The following LRRC4C variants were observed in gnomAD, a reference collection of about 807,000 sequenced individuals.
LRRC4C encodes the protein leucine-rich repeat-containing protein 4C.
LRRC4C carries 5 observed loss-of-function variants against 33.6 expected under a neutral mutation model. That is an observed-to-expected ratio of 0.15 (90% CI 0.08 to 0.31). The LOEUF (loss-of-function observed/expected upper bound fraction) is 0.31. Among genes scored for constraint, LRRC4C ranks in the 10% least tolerant of loss-of-function variants. The probability of loss-of-function intolerance (pLI) is 1.00; values close to 1 mark genes in which losing one functional copy is unlikely to be tolerated. For missense variants in LRRC4C, 560 were observed against 796.7 expected (o/e 0.70, Z 3.58); for synonymous variants, 329 against 302.0 (o/e 1.09, Z -0.93).
At chr11:40,583,958 C>A (rs1958589174) in intron 3 of LRRC4C, among the ~76,000 whole-genome samples, 3 of 151,526 alleles carry the variant, frequency 2.0e-5, no homozygotes, top group Admixed American at 2.0e-4. Context: ...TAGTAGACAT[C>A]TAGTTAAAGT....
At chr11:40,440,865 A>AT (rs1157671461) in intron 3 of LRRC4C, among the ~76,000 whole-genome samples, 146 of 14,904 alleles carry the variant, frequency 9.8e-3, no homozygotes, top group Middle Eastern at 0.088. Context: ...GCCAGTAGGG[A>AT]ATTTTTTTTT....
At chr11:40,971,635 C>G (rs369004584) in intron 1 of LRRC4C, among the ~76,000 whole-genome samples, 1 of 152,162 alleles carries the variant, frequency 6.6e-6, no homozygotes, top group African/African-American at 2.4e-5. Flanking sequence ...CTGCCTAGTG[C>G]ATCTGTGAGA....
At chr11:41,317,223 G>C (rs1950822048) in intron 1 of LRRC4C, among the ~76,000 whole-genome samples, 1 of 150,980 alleles carries the variant, frequency 6.6e-6, no homozygotes, top group Non-Finnish European at 1.5e-5. Context: ...CTTAGGACAA[G>C]TCATTTAACC....
chr11:41,177,183 T>C (rs1317137719), intron 1 of LRRC4C, among the ~76,000 whole-genome samples: 1 of 152,084 alleles, frequency 6.6e-6, no homozygotes, highest in African/African-American at 2.4e-5. Flanking sequence ...ATTTGACTTA[T>C]AACAGAGGAT....
chr11:40,866,365 CA>C (rs1954370666), intron 2 of LRRC4C, among the ~76,000 whole-genome samples: 1 of 151,888 alleles, frequency 6.6e-6, no homozygotes, highest in Admixed American at 6.6e-5. Flanking sequence ...TAAATGTGGG[CA>C]AAGCATTAAA....
rs556102850 is a variant in LRRC4C, at chr11:40,926,374, A to G, written c.-407+7261T>C. Among the ~76,000 whole-genome samples the G allele has an allele frequency of 2.0e-5, 3 of 152,300 alleles. No homozygotes were observed. The South Asian group carries it at 6.2e-4, about 32-fold the overall frequency. On this transcript the variant is annotated intron_variant, in intron 2 of 6. Coordinates refer to ENST00000528697, the MANE Select transcript of LRRC4C (RefSeq NM_001258419.2). ...AAAAGTGAAATAAATTCGACAATAA[A>G]TGTTTGAAAATGATTAATGCTCATT...
At chr11:41,151,579 G>A (rs1590764297) in intron 1 of LRRC4C, among the ~76,000 whole-genome samples, 1 of 152,060 alleles carries the variant, frequency 6.6e-6, no homozygotes, top group Non-Finnish European at 1.5e-5. Context: ...TTAAAACTGG[G>A]GAATCTCACT....
chr11:40,600,607 A>C (rs1354390345), intron 3 of LRRC4C, among the ~76,000 whole-genome samples: 1 of 152,172 alleles, frequency 6.6e-6, no homozygotes, highest in Non-Finnish European at 1.5e-5. Context: ...TGTGCTAGTA[A>C]ATCTAAAAGA....
At chr11:40,127,053 C>A (rs1474405354) in intron 6 of LRRC4C, among the ~76,000 whole-genome samples, 1 of 151,820 alleles carries the variant, frequency 6.6e-6, no homozygotes, top group East Asian at 1.9e-4. Flanking sequence ...CCAAGGTGGG[C>A]AGATCATGAG....
At chr11:40,182,524 A>C (rs1283861972) in intron 5 of LRRC4C, among the ~76,000 whole-genome samples, 3 of 152,224 alleles carry the variant, frequency 2.0e-5, no homozygotes, top group Non-Finnish European at 4.4e-5. Flanking sequence ...TTTTCCAAAA[A>C]CTTCTTATTT....
intron 3 of LRRC4C, among the ~76,000 whole-genome samples, chr11:40,382,058 G>C (rs982959538): frequency 1.5e-5 from 2 of 135,464 alleles, no homozygotes; most frequent in African/African-American, 2.7e-5. Flanking sequence ...CCGGGTTCAC[G>C]CCATTCTCCT....
At chr11:40,588,312 C>T (rs1002547271) in intron 3 of LRRC4C, among the ~76,000 whole-genome samples, 29 of 152,064 alleles carry the variant, frequency 1.9e-4, no homozygotes, top group Admixed American at 5.2e-4. Context: ...TCTGTGGGAT[C>T]GGTGGTGATA....
intron 1 of LRRC4C, among the ~76,000 whole-genome samples, chr11:41,240,041 T>C (rs1948188021): frequency 1.3e-5 from 2 of 152,176 alleles, no homozygotes; most frequent in Non-Finnish European, 2.9e-5. Context: ...TTTAAGTTAA[T>C]AAAAGTCAGG....
chr11:40,730,740 T>C (rs563329442), intron 2 of LRRC4C, among the ~76,000 whole-genome samples: 35 of 150,868 alleles, frequency 2.3e-4, no homozygotes, highest in African/African-American at 8.3e-4. Flanking sequence ...TTATAAACAT[T>C]TGCATTGCCT....
At chr11:40,906,934 GA>G (rs917302010) in intron 2 of LRRC4C, among the ~76,000 whole-genome samples, 4 of 152,072 alleles carry the variant, frequency 2.6e-5, no homozygotes, top group South Asian at 2.1e-4. Context: ...ATACAAGGCA[GA>G]AAAAAATACA....
At position 41,065,694 on chromosome 11, in the gene LRRC4C, G is replaced by A. The variant is rs1938181381; in HGVS notation, c.-495-131971C>T. ...GCTGGCAACAGGCCAGTATCCCTCT[G>A]GGATGAAGCTTCCGGAGGAAAGAGC... On this transcript the variant is annotated intron_variant, in intron 1 of 6. Coordinates refer to ENST00000528697, the MANE Select transcript of LRRC4C (RefSeq NM_001258419.2). Among the ~76,000 whole-genome samples, 4 of 152,278 alleles carry A rather than the reference G, an allele frequency of 2.6e-5. No homozygotes were observed. The South Asian group carries it at 8.3e-4, about 32-fold the overall frequency.
intron 3 of LRRC4C, among the ~76,000 whole-genome samples, chr11:40,423,546 G>A (rs1443368038): frequency 6.6e-6 from 1 of 151,428 alleles, no homozygotes; most frequent in East Asian, 2.0e-4. Flanking sequence ...GGGTTTCACC[G>A]TGTTAGCCAG....
chr11:40,426,908 T>C (rs1405378956), intron 3 of LRRC4C, among the ~76,000 whole-genome samples: 1 of 152,224 alleles, frequency 6.6e-6, no homozygotes, highest in South Asian at 2.1e-4. Flanking sequence ...GCAGATTCTC[T>C]TTTTTCTGGT....
chr11:40,314,704 A>G (rs893563589), intron 4 of LRRC4C, among the ~76,000 whole-genome samples: 2 of 152,136 alleles, frequency 1.3e-5, no homozygotes, highest in African/African-American at 4.8e-5. Context: ...ACTCAATAAA[A>G]TACTATTCAA....
Sources: gnomAD v4.1 joint callset for allele counts (sites outside exome capture counted in the v4.1 genomes callset) on GRCh38, gnomAD v4.1.1 for gene constraint, MANE v1.5 for transcripts, NCBI Gene and HGNC (gene_info 2026-07-23, HGNC 2026-07-21) for gene names.